SDC2: variants seen among roughly 807,000 people sequenced by gnomAD.
The protein encoded by SDC2 is syndecan-2.
In SDC2, 13 loss-of-function variants were observed where a neutral mutation model predicts 22.2. The ratio of observed to expected loss-of-function variants is 0.59; its 90% CI spans 0.38 to 0.93. The LOEUF (loss-of-function observed/expected upper bound fraction) is 0.93. Among genes scored for constraint, SDC2 ranks in the 40% least tolerant of loss-of-function variants. SDC2 has a pLI of 0.00. For synonymous variants in SDC2, 94 were observed against 92.8 expected (o/e 1.01, Z -0.07); for missense variants, 235 against 246.8 (o/e 0.95, Z 0.32).
intron 3 of SDC2, among the ~76,000 whole-genome samples, chr8:96,607,631 G>A (rs935780233): frequency 2.6e-5 from 4 of 152,260 alleles, no homozygotes; most frequent in African/African-American, 7.2e-5. Context: ...CTAGAGATGC[G>A]GCTGTGAGAG....
chr8:96,525,245 G>A (rs1422341518), intron 1 of SDC2, among the ~76,000 whole-genome samples: 5 of 152,206 alleles, frequency 3.3e-5, no homozygotes, highest in Admixed American at 2.0e-4. Flanking sequence ...GCACTGTCTT[G>A]ATCCTGGCTG....
chr8:96,556,775 G>A (rs1214622189), intron 1 of SDC2, among the ~76,000 whole-genome samples: 9 of 150,672 alleles, frequency 6.0e-5, no homozygotes, highest in East Asian at 3.9e-4. Context: ...TTGACAAATG[G>A]GATCTAATTA....
intron 2 of SDC2, among the ~76,000 whole-genome samples, chr8:96,597,649 A>G (rs1814902097): frequency 6.6e-6 from 1 of 152,240 alleles, no homozygotes; most frequent in Admixed American, 6.5e-5. Flanking sequence ...ACAATGGCAC[A>G]AAAACAGGAT....
At chr8:96,549,408 T>A (rs1419338183) in intron 1 of SDC2, among the ~76,000 whole-genome samples, 2 of 152,174 alleles carry the variant, frequency 1.3e-5, no homozygotes, top group African/African-American at 4.8e-5. Context: ...AAAAGCCTTA[T>A]CATGTAGATA....
At chr8:96,594,288 G>GT (rs1191103708) in intron 2 of SDC2, among the ~76,000 whole-genome samples, 13 of 152,290 alleles carry the variant, frequency 8.5e-5, no homozygotes, top group African/African-American at 2.9e-4. Flanking sequence ...TCACATGTCA[G>GT]TGGTCAGCTG....
chr8:96,580,154 G>A (rs1184376456), intron 1 of SDC2, among the ~76,000 whole-genome samples: 6 of 152,220 alleles, frequency 3.9e-5, no homozygotes, highest in Non-Finnish European at 5.9e-5. Context: ...GGTCATCACC[G>A]GTGGGCCAGG....
At chr8:96,588,775 A>G (rs1269230626) in intron 1 of SDC2, among the ~76,000 whole-genome samples, 1 of 152,204 alleles carries the variant, frequency 6.6e-6, no homozygotes, top group East Asian at 1.9e-4. Context: ...TTTGAGCTTT[A>G]ATTATTTTGA....
At chr8:96,555,434 C>T (rs547644062) in intron 1 of SDC2, among the ~76,000 whole-genome samples, 2 of 152,236 alleles carry the variant, frequency 1.3e-5, no homozygotes, top group African/African-American at 2.4e-5. Context: ...GAATGTGAAG[C>T]GCTGTATCTC....
At chr8:96,553,772 ATTTT>A (rs5893392) in intron 1 of SDC2, among the ~76,000 whole-genome samples, 1 of 149,328 alleles carries the variant, frequency 6.7e-6, no homozygotes, top group East Asian at 2.0e-4. Flanking sequence ...TTATTTAAAG[ATTTT>A]TTTTTTTGTT....
At chr8:96,533,674 T>C (rs1171176587) in intron 1 of SDC2, among the ~76,000 whole-genome samples, 1 of 152,128 alleles carries the variant, frequency 6.6e-6, no homozygotes, top group Non-Finnish European at 1.5e-5. Flanking sequence ...TTGGGGCATT[T>C]ACAAACCTTG....
intron 1 of SDC2, among the ~76,000 whole-genome samples, chr8:96,563,722 T>C (rs1814249594): frequency 6.6e-6 from 1 of 152,238 alleles, no homozygotes; most frequent in African/African-American, 2.4e-5. Context: ...ATCGAATTCA[T>C]TGGAGGCCAT....
At chr8:96,524,086 T>C (rs1586279205) in intron 1 of SDC2, among the ~76,000 whole-genome samples, 1 of 152,300 alleles carries the variant, frequency 6.6e-6, no homozygotes, top group Non-Finnish European at 1.5e-5. Context: ...GGCACAGATA[T>C]TTCAGTACTT....
chr8:96,536,381 T>G (rs1296441603), intron 1 of SDC2, among the ~76,000 whole-genome samples: 1 of 152,142 alleles, frequency 6.6e-6, no homozygotes, highest in Non-Finnish European at 1.5e-5. Flanking sequence ...ACTGCAGTAG[T>G]GCGACCTTTG....
At chr8:96,515,327 C>T (rs1212162319) in intron 1 of SDC2, among the ~76,000 whole-genome samples, 1 of 152,142 alleles carries the variant, frequency 6.6e-6, no homozygotes, top group Non-Finnish European at 1.5e-5. Context: ...AAATTGGTTA[C>T]AGTTGTCATT....
At chr8:96,565,084 A>ATTTTTTTTTGTTTTTTTTTTTTTT (rs1814274259) in intron 1 of SDC2, among the ~76,000 whole-genome samples, 1 of 67,800 alleles carries the variant, frequency 1.5e-5, no homozygotes, top group Non-Finnish European at 2.9e-5. Context: ...CCTAAATTTG[A>ATTTTTTTTTGTTTTTTTTTTTTTT]TTTTTTTTTT....
chr8:96,537,019 A>G (rs1813765301), intron 1 of SDC2, among the ~76,000 whole-genome samples: 1 of 152,230 alleles, frequency 6.6e-6, no homozygotes, highest in Admixed American at 6.5e-5. Flanking sequence ...CATTCAATTT[A>G]TCTATATTAT....
intron 1 of SDC2, among the ~76,000 whole-genome samples, chr8:96,533,442 T>C (rs533261749): frequency 1.4e-4 from 22 of 152,330 alleles, no homozygotes; most frequent in African/African-American, 5.0e-4. Context: ...CTCACTAGAT[T>C]AGCTAGACAC....
rs189100948 is a variant in SDC2, at chr8:96,553,120, G to A, written c.61-40360G>A. Among the ~76,000 whole-genome samples, 92 of 152,180 alleles carry A rather than the reference G, an allele frequency of 6.0e-4. 2 individuals are homozygous for A. In the South Asian group the frequency reaches 0.011, roughly 18 times the overall value. On this transcript the variant is annotated intron_variant, in intron 1 of 4. Transcript: ENST00000302190. ...TTTTTACATTGAGGGAGAAATTACC[G>A]AAAGGCATAAAATAAGTTTTATCTG...
chr8:96,520,052 A>G (rs1030308300), intron 1 of SDC2, among the ~76,000 whole-genome samples: 5 of 152,240 alleles, frequency 3.3e-5, no homozygotes, highest in African/African-American at 1.2e-4. Context: ...TTCTCATAAC[A>G]TGCCTTCTTG....
Sources: allele counts gnomAD v4.1 joint callset (sites outside exome capture counted in the v4.1 genomes callset), GRCh38; gene constraint gnomAD v4.1.1; transcripts MANE v1.5; gene names NCBI Gene and HGNC (gene_info 2026-07-23, HGNC 2026-07-21).